The following MTM1 variants were observed in gnomAD, a reference collection of about 807,000 sequenced individuals.
The protein encoded by MTM1 is myotubularin 1, also known as myotubularin.
A neutral mutation model predicts 52.1 loss-of-function variants in MTM1; 9 were observed. The ratio of observed to expected loss-of-function variants is 0.17; its 90% CI spans 0.10 to 0.30. The LOEUF is 0.30. Among genes scored for constraint, MTM1 ranks in the 10% least tolerant of loss-of-function variants. The pLI is 1.00. For missense variants in MTM1, 277 were observed against 470.7 expected (o/e 0.59, Z 3.81); for synonymous variants, 136 against 163.8 (o/e 0.83, Z 1.29).
intron 1 of MTM1, among the ~76,000 whole-genome samples, chrX:150,582,262 G>A (rs902797021): frequency 1.8e-5 from 2 of 111,320 alleles, no homozygotes; most frequent in Non-Finnish European, 3.8e-5. Context: ...CTGGCTTGTT[G>A]TCATTTCATT....
intron 6 of MTM1, among the ~76,000 whole-genome samples, chrX:150,626,800 T>C (rs2039577414): frequency 8.9e-6 from 1 of 112,007 alleles, no homozygotes; most frequent in Non-Finnish European, 1.9e-5. Flanking sequence ...TTAGCCTAGA[T>C]GTGGCCTAAT....
intron 2 of MTM1, among the ~76,000 whole-genome samples, chrX:150,595,182 T>C (rs1231053057): frequency 1.8e-5 from 2 of 111,967 alleles, no homozygotes; most frequent in African/African-American, 6.5e-5. Flanking sequence ...TTTACAGAAG[T>C]GTGCACAGTA....
intron 12 of MTM1, 39 bp downstream of exon 12, chrX:150,659,795 G>T (rs2040189548): frequency 9.6e-7 from 1 of 1,046,047 alleles, no homozygotes; most frequent in Admixed American, 2.2e-5. Context: ...TCAACTCATT[G>T]TTTAAATTAA....
At chrX:150,659,477 A>G (rs2040183081) in intron 11 of MTM1, among the ~76,000 whole-genome samples, 187 bp from the exon 12 acceptor site, 1 of 111,907 alleles carries the variant, frequency 8.9e-6, no homozygotes, top group East Asian at 2.8e-4. Flanking sequence ...ACATTTATAT[A>G]CTTAATTTCC....
chrX:150,616,982 C>T (rs781811639), intron 5 of MTM1, among the ~76,000 whole-genome samples: 2 of 112,073 alleles, frequency 1.8e-5, no homozygotes, highest in Non-Finnish European at 3.8e-5. Flanking sequence ...CCTGATGAGT[C>T]AAACTCTGAG....
intron 1 of MTM1, among the ~76,000 whole-genome samples, chrX:150,574,872 A>G (rs1320991124): frequency 8.9e-6 from 1 of 112,040 alleles, no homozygotes; most frequent in Admixed American, 9.4e-5. Flanking sequence ...GTGCTTTTAC[A>G]TCAGGTCTCA....
upstream of MTM1, among the ~76,000 whole-genome samples, chrX:150,564,062 T>C (rs1403425149): frequency 8.9e-6 from 1 of 111,872 alleles, no homozygotes; most frequent in Non-Finnish European, 1.9e-5. Context: ...AAAACTTTCC[T>C]CTTGCCTCTT....
chrX:150,598,381 G>T (rs2039014535), intron 3 of MTM1, among the ~76,000 whole-genome samples: 1 of 112,081 alleles, frequency 8.9e-6, no homozygotes, highest in Non-Finnish European at 1.9e-5. Context: ...TTAGTGCCTG[G>T]AGGTGGTGTG....
chrX:150,632,188 A>G (rs1209360027), intron 6 of MTM1, among the ~76,000 whole-genome samples: 2 of 112,000 alleles, frequency 1.8e-5, no homozygotes, highest in Non-Finnish European at 3.8e-5. Context: ...GGTGCACAGG[A>G]TGTCACAGGA....
chrX:150,653,948 C>G lies in MTM1; in HGVS notation c.1054-3873C>G, dbSNP rs112856479. Among the ~76,000 whole-genome samples the G allele has an allele frequency of 4.0e-3, 443 of 111,672 alleles. 2 individuals carry two copies. Among genetic ancestry groups the G allele is most frequent in the Non-Finnish European group, 6.5e-3 (345 of 53,110 alleles). ...AAGACAAGCTAGTGGGGACATGGCT[C>G]ATTTCTTCACAGTAGAGAGAGAGAA... On this transcript the variant is annotated intron_variant, in intron 10 of 14. Transcript: ENST00000370396.
At chrX:150,589,355 A>C (rs1442093612) in intron 1 of MTM1, among the ~76,000 whole-genome samples, 2 of 111,597 alleles carry the variant, frequency 1.8e-5, no homozygotes, top group African/African-American at 6.5e-5. Context: ...ATTTTGGGGG[A>C]TCAAAAGTGA....
chrX:150,626,467 C>T (rs1415225553), intron 6 of MTM1, among the ~76,000 whole-genome samples: 1 of 110,544 alleles, frequency 9.0e-6, no homozygotes, highest in Non-Finnish European at 1.9e-5. Flanking sequence ...GTGCTCACCA[C>T]CACGCCCGAC....
chrX:150,671,749 A>G lies in MTM1; in HGVS notation c.*154A>G. ...CTTGAATATGTGCCTTCTAGAATAC[A>G]TATTACAAGAAAACTACAGGGTCCA... is the stretch of plus-strand genomic sequence containing the variant. On this transcript the variant is annotated 3_prime_UTR_variant, in exon 15 of 15. Coordinates refer to ENST00000370396, the MANE Select transcript of MTM1 (RefSeq NM_000252.3). The G allele has an allele frequency of 1.7e-6, 1 of 602,760 alleles. No individual in the cohort carries two copies. Among genetic ancestry groups the G allele is most frequent in the Non-Finnish European group, 2.6e-6 (1 of 390,980 alleles). The allele number at this position is 602,760 out of a possible 1,213,427, so 49.7% of individuals were successfully genotyped here.
At chrX:150,632,219 G>C (rs1557413591) in intron 6 of MTM1, among the ~76,000 whole-genome samples, 1 of 111,857 alleles carries the variant, frequency 8.9e-6, no homozygotes, top group East Asian at 2.8e-4. Context: ...GGGCTTCCTA[G>C]AGGATTCAGA....
At chrX:150,663,700 G>T (rs1318640058) in intron 14 of MTM1, 91 bp downstream of exon 14, 11 of 844,280 alleles carry the variant, frequency 1.3e-5, no homozygotes, top group Non-Finnish European at 1.9e-5. Flanking sequence ...ACAGCATGAA[G>T]AAAAATATCA....
At chrX:150,595,314 A>C (rs1460918444) in intron 2 of MTM1, among the ~76,000 whole-genome samples, 2 of 110,959 alleles carry the variant, frequency 1.8e-5, no homozygotes, top group African/African-American at 6.6e-5. Context: ...TGCAAAAATT[A>C]GCTGGGCGTG....
At chrX:150,632,102 G>A (rs190469168) in intron 6 of MTM1, among the ~76,000 whole-genome samples, 1 of 111,868 alleles carries the variant, frequency 8.9e-6, no homozygotes, top group African/African-American at 3.2e-5. Context: ...GGGATCTAGA[G>A]CTGATACCCA....
At chrX:150,651,958 C>T (rs1557414219) in intron 10 of MTM1, among the ~76,000 whole-genome samples, 2 of 110,601 alleles carry the variant, frequency 1.8e-5, no homozygotes, top group Non-Finnish European at 3.8e-5. Flanking sequence ...TAGCGAGGTC[C>T]TTTATGACCT....
chrX:150,619,823 G>A (rs915920347), intron 6 of MTM1, among the ~76,000 whole-genome samples: 2 of 111,499 alleles, frequency 1.8e-5, no homozygotes, highest in African/African-American at 6.5e-5. Context: ...TAAGGGGAGA[G>A]TGAAAAAATA....
Sources: allele counts gnomAD v4.1 joint callset (sites outside exome capture counted in the v4.1 genomes callset), GRCh38; gene constraint gnomAD v4.1.1; transcripts MANE v1.5; gene names NCBI Gene and HGNC (gene_info 2026-07-23, HGNC 2026-07-21).